NXPE2: variants seen among roughly 807,000 people sequenced by gnomAD.
NXPE2 encodes neurexophilin and PC-esterase domain family member 2, also known as NXPE family member 2.
A neutral mutation model predicts 34.4 loss-of-function variants in NXPE2; 34 were observed. The ratio of observed to expected loss-of-function variants is 0.99; its 90% confidence interval spans 0.75 to 1.31. The LOEUF is 1.31. NXPE2 is among the 40% of genes most tolerant of loss of function. NXPE2 has a pLI of 0.00. For missense variants in NXPE2, 649 were observed against 672.5 expected, an observed-to-expected ratio of 0.97 and a Z score of 0.39; for synonymous variants, 235 against 231.3, an observed-to-expected ratio of 1.02 and a Z score of -0.15.
At chr11:114,634,932 A>C in the NXPE2 span, among the ~76,000 whole-genome samples, 3 of 151,736 alleles carry the variant, frequency 2.0e-5, no homozygotes, top group Non-Finnish European at 4.4e-5. Context: ...GCTTAGGATG[A>C]ACTTGGTGAT....
At chr11:114,740,992 T>C in the NXPE2 span, among the ~76,000 whole-genome samples, 1 of 152,196 alleles carries the variant, frequency 6.6e-6, no homozygotes, top group African/African-American at 2.4e-5. Flanking sequence ...TCCTTGTTTA[T>C]TCCTTCATTT....
chr11:114,713,834 A>G, the NXPE2 span, among the ~76,000 whole-genome samples: 8 of 152,316 alleles, frequency 5.3e-5, no homozygotes, highest in African/African-American at 1.7e-4. Flanking sequence ...AGTAATCCCA[A>G]TCTTCTTTTC....
the NXPE2 span, among the ~76,000 whole-genome samples, chr11:114,572,055 G>A: frequency 3.9e-5 from 6 of 152,138 alleles, no homozygotes; most frequent in Admixed American, 1.3e-4. Flanking sequence ...TGCAAGACCT[G>A]AAGATGGGTC....
intron 2 of NXPE2, among the ~76,000 whole-genome samples, chr11:114,689,331 T>C (rs1951107238): frequency 6.6e-6 from 1 of 152,134 alleles, no homozygotes; most frequent in African/African-American, 2.4e-5. Context: ...TGCCTTAGTT[T>C]TGTTATTTAC....
chr11:114,504,117 C>A, the NXPE2 span, among the ~76,000 whole-genome samples: 1 of 152,236 alleles, frequency 6.6e-6, no homozygotes, highest in East Asian at 1.9e-4. Context: ...GCCCACATCA[C>A]TTCATTGATG....
chr11:114,577,004 TA>T, the NXPE2 span, among the ~76,000 whole-genome samples: 8 of 30,800 alleles, frequency 2.6e-4, no homozygotes, highest in Non-Finnish European at 4.1e-4. Context: ...TATATATATA[TA>T]AAGTTATATA....
the NXPE2 span, chr11:114,530,145 C>T: frequency 7.3e-5 from 113 of 1,556,672 alleles, no homozygotes; most frequent in African/African-American, 1.3e-3. Flanking sequence ...TCAGGGGACA[C>T]TTCTCAGTAT....
the NXPE2 span, among the ~76,000 whole-genome samples, chr11:114,640,999 T>C: frequency 6.6e-6 from 1 of 151,980 alleles, no homozygotes; most frequent in Non-Finnish European, 1.5e-5. Context: ...TCAACATCAT[T>C]GGAGAATGAT....
chr11:114,656,893 C>T, the NXPE2 span, among the ~76,000 whole-genome samples: 1 of 152,082 alleles, frequency 6.6e-6, no homozygotes. Context: ...GGGATCGAGA[C>T]CATCCTGGCT....
chr11:114,696,943 T>C (rs910747243), intron 2 of NXPE2, among the ~76,000 whole-genome samples: 1 of 152,180 alleles, frequency 6.6e-6, no homozygotes, highest in African/African-American at 2.4e-5. Flanking sequence ...AAGTTTAATT[T>C]ATAAATTAGG....
At chr11:114,578,026 G>A in the NXPE2 span, among the ~76,000 whole-genome samples, 6 of 152,280 alleles carry the variant, frequency 3.9e-5, no homozygotes, top group South Asian at 1.2e-3. Context: ...ATAAAATGAA[G>A]TTCTTCCATT....
At chr11:114,602,473 A>G in the NXPE2 span, among the ~76,000 whole-genome samples, 1 of 136,000 alleles carries the variant, frequency 7.4e-6, no homozygotes, top group Non-Finnish European at 1.5e-5. Flanking sequence ...TATAAATTAT[A>G]GATTATATAT....
the NXPE2 span, among the ~76,000 whole-genome samples, chr11:114,663,417 G>A: frequency 2.7e-3 from 418 of 152,152 alleles, no homozygotes; most frequent in African/African-American, 8.8e-3. Context: ...AAACGGGTGT[G>A]GGTTTATGTA....
At chr11:114,795,325 C>T in the NXPE2 span, among the ~76,000 whole-genome samples, 1 of 152,164 alleles carries the variant, frequency 6.6e-6, no homozygotes, top group African/African-American at 2.4e-5. Context: ...GGATTGGCTA[C>T]CCTCCTGCAT....
At chr11:114,578,458 C>T in the NXPE2 span, among the ~76,000 whole-genome samples, 1 of 152,152 alleles carries the variant, frequency 6.6e-6, no homozygotes, top group African/African-American at 2.4e-5. Flanking sequence ...TTACTAGACC[C>T]TGAATTTTGT....
chr11:114,624,637 T>C, the NXPE2 span, among the ~76,000 whole-genome samples: 1 of 152,116 alleles, frequency 6.6e-6, no homozygotes, highest in South Asian at 2.1e-4. Context: ...ACCCAGTGGA[T>C]AATAAGTATT....
the NXPE2 span, among the ~76,000 whole-genome samples, chr11:114,564,364 C>T: frequency 6.6e-6 from 1 of 152,114 alleles, no homozygotes; most frequent in Admixed American, 6.6e-5. Context: ...ACAGTGTACA[C>T]TGCTCAGGTG....
At chr11:114,744,869 T>G in the NXPE2 span, among the ~76,000 whole-genome samples, 14 of 152,282 alleles carry the variant, frequency 9.2e-5, no homozygotes, top group Admixed American at 4.6e-4. Context: ...TCATTACAAT[T>G]ATAAAACAGA....
chr11:114,609,301 A>G, the NXPE2 span, among the ~76,000 whole-genome samples: 1 of 151,684 alleles, frequency 6.6e-6, no homozygotes, highest in Non-Finnish European at 1.5e-5. Context: ...GTGGATAATA[A>G]GTATTGCCTC....
Sources: gnomAD v4.1 joint callset for allele counts (sites outside exome capture counted in the v4.1 genomes callset) on GRCh38, gnomAD v4.1.1 for gene constraint, MANE v1.5 for transcripts, NCBI Gene and HGNC (gene_info 2026-07-23, HGNC 2026-07-21) for gene names.